The following PTPRG variants were observed in gnomAD, a reference collection of about 807,000 sequenced individuals.
PTPRG encodes the protein receptor-type tyrosine-protein phosphatase gamma.
PTPRG carries 102 observed loss-of-function variants against 165.3 expected under a neutral mutation model. That is an observed-to-expected ratio of 0.62 (90% CI 0.53 to 0.73). The LOEUF (loss-of-function observed/expected upper bound fraction) is 0.73, where lower values mean the gene tolerates loss of function less well. Among genes scored for constraint, PTPRG ranks in the 30% least tolerant of loss-of-function variants. PTPRG has a pLI of 0.00. For synonymous variants in PTPRG, 675 were observed against 669.5 expected, an observed-to-expected ratio of 1.01 and a Z score of -0.13; for missense variants, 1,866 against 1,861.4, an observed-to-expected ratio of 1.00 and a Z score of -0.05.
intron 1 of PTPRG, among the ~76,000 whole-genome samples, chr3:61,734,749 T>A (rs1452350026): frequency 6.6e-6 from 1 of 152,232 alleles, no homozygotes; most frequent in Non-Finnish European, 1.5e-5. Context: ...TTCTCCTTCC[T>A]ATCCCAAGTT....
intron 2 of PTPRG, among the ~76,000 whole-genome samples, chr3:61,788,893 C>G (rs1024328858): frequency 6.6e-6 from 1 of 152,136 alleles, no homozygotes; most frequent in African/African-American, 2.4e-5. Context: ...TAGATGAAGG[C>G]TCCTCTTGCC....
intron 4 of PTPRG, among the ~76,000 whole-genome samples, chr3:62,006,221 A>G (rs991888100): frequency 1.3e-5 from 2 of 152,188 alleles, no homozygotes; most frequent in African/African-American, 4.8e-5. Flanking sequence ...CATCTGATTC[A>G]TAGCTTGATT....
intron 2 of PTPRG, among the ~76,000 whole-genome samples, chr3:61,926,690 A>G (rs1430908478): frequency 6.8e-6 from 1 of 147,024 alleles, no homozygotes; most frequent in African/African-American, 2.5e-5. Flanking sequence ...TTAATATGGT[A>G]GCCCAGCCTT....
Position 62,210,461 on chromosome 3 carries a change from G to A in PTPRG, c.2155+6511G>A, listed in dbSNP as rs1427706773. Among the ~76,000 whole-genome samples, 4 of 152,324 alleles carry A rather than the reference G, an allele frequency of 2.6e-5. No homozygotes were observed. Among genetic ancestry groups the A allele is most frequent in the Non-Finnish European group, 4.4e-5 (3 of 68,032 alleles). On this transcript the variant is annotated intron_variant, in intron 12 of 29. Transcript: ENST00000474889. The surrounding 1 kb of genome is among the most constrained non-coding windows in gnomAD (Gnocchi z 4.1). ...ATGTGGAAAGAAGGGAACCCTTTGTGCACTGCTAGTGGGAATGTAAAATGT... is the reference window on the plus strand; with the variant it reads ...ATGTGGAAAGAAGGGAACCCTTTGTACACTGCTAGTGGGAATGTAAAATGT...
chr3:61,902,009 G>T (rs915284158), intron 2 of PTPRG, among the ~76,000 whole-genome samples: 1 of 152,190 alleles, frequency 6.6e-6, no homozygotes. Context: ...TGGTAATAAA[G>T]AGCATATTGG....
intron 8 of PTPRG, among the ~76,000 whole-genome samples, chr3:62,183,062 A>G (rs1343498334): frequency 6.6e-6 from 1 of 152,250 alleles, no homozygotes; most frequent in Non-Finnish European, 1.5e-5. Flanking sequence ...CCAAGGCCAC[A>G]CAACTGGTTT....
At chr3:62,159,715 A>G (rs1028496907) in intron 7 of PTPRG, among the ~76,000 whole-genome samples, 1 of 152,236 alleles carries the variant, frequency 6.6e-6, no homozygotes, top group African/African-American at 2.4e-5. Flanking sequence ...GGAAATAGAA[A>G]AGAAATCAGT....
At position 62,273,933 on chromosome 3, in the gene PTPRG, G is replaced by T; in HGVS notation, c.3465+89G>T. The T allele has an allele frequency of 7.8e-7, 1 of 1,278,584 alleles. No individual in the cohort carries two copies. 79.2% of individuals were successfully genotyped at this position (1,278,584 alleles called of 1,614,324 possible). ...GGGGTTATGTCTTCTTTGCATTAAT[G>T]TATACACCGAAATGGATTACTATTT... On this transcript the variant is annotated intron_variant, in intron 23 of 29. Transcript: ENST00000474889. This position sits in a 1 kb window ranked among gnomAD's most constrained non-coding sequence, Gnocchi z 4.1.
intron 2 of PTPRG, among the ~76,000 whole-genome samples, chr3:61,804,460 C>T (rs2035351001): frequency 1.3e-5 from 2 of 152,076 alleles, no homozygotes; most frequent in Admixed American, 1.3e-4. Flanking sequence ...CTTTTATATC[C>T]CCAAATGGAA....
At chr3:61,871,233 A>AT (rs1183978988) in intron 2 of PTPRG, among the ~76,000 whole-genome samples, 1 of 142,028 alleles carries the variant, frequency 7.0e-6, no homozygotes, top group Non-Finnish European at 1.5e-5. Context: ...ATGTTATGTT[A>AT]ATGTTATATT....
chr3:61,997,225 T>C (rs1277524703), intron 3 of PTPRG, among the ~76,000 whole-genome samples: 2 of 152,186 alleles, frequency 1.3e-5, no homozygotes, highest in African/African-American at 4.8e-5. Context: ...TCCTCACTTA[T>C]TTCTACTGAC....
chr3:62,227,500 G>A (rs929134670), intron 13 of PTPRG, among the ~76,000 whole-genome samples: 3 of 152,182 alleles, frequency 2.0e-5, no homozygotes, highest in Non-Finnish European at 4.4e-5. Context: ...AAGGAATCAG[G>A]GACTGCATCA....
At position 61,893,536 on chromosome 3, in the gene PTPRG, G is replaced by A. The variant is rs148683458; in HGVS notation, c.191-96089G>A. ...TGGTAGTCTTAACCGCTATGGCGCA[G>A]CTGCCTCTGCAGTTTGGATGGCTCA... On this transcript the variant is annotated intron_variant, in intron 2 of 29. Transcript: ENST00000474889. 4.8e-4 allele frequency among the ~76,000 whole-genome samples: 73 copies of A among 152,332 alleles called. 1 individual carries two copies. In the East Asian group the frequency reaches 6.8e-3, roughly 14 times the overall value.
intron 1 of PTPRG, among the ~76,000 whole-genome samples, chr3:61,677,912 A>G (rs1430349701): frequency 6.6e-6 from 1 of 152,140 alleles, no homozygotes; most frequent in Non-Finnish European, 1.5e-5. Context: ...TTCAAAAGGT[A>G]GCTTGTGTAC....
intron 1 of PTPRG, among the ~76,000 whole-genome samples, chr3:61,686,055 G>A (rs1384081266): frequency 1.5e-4 from 23 of 152,172 alleles, no homozygotes; most frequent in Non-Finnish European, 5.9e-5. Flanking sequence ...AGGAGCACTT[G>A]GTGCTCGTTA....
rs1385403191 is a variant in PTPRG at position 62,213,074 on chromosome 3, G to A, written c.2156-5777G>A. Among the ~76,000 whole-genome samples the A allele has an allele frequency of 6.6e-6, 1 of 152,084 alleles. No homozygotes were observed. Among genetic ancestry groups the A allele is most frequent in the East Asian group, 1.9e-4 (1 of 5,174 alleles). ...GAGGGAAGCAAACCCCCAGTAACTG[G>A]GCAGCTCAGTTCTGCTGGACCCTTC... On this transcript the variant is annotated intron_variant, in intron 12 of 29. Coordinates refer to ENST00000474889, the MANE Select transcript of PTPRG (RefSeq NM_002841.4). This position sits in a 1 kb window ranked among gnomAD's most constrained non-coding sequence, Gnocchi z 4.4.
intron 2 of PTPRG, among the ~76,000 whole-genome samples, chr3:61,809,682 A>C (rs936270366): frequency 1.3e-5 from 2 of 152,200 alleles, no homozygotes; most frequent in African/African-American, 4.8e-5. Context: ...TGAAAAGAAA[A>C]TAATATAGTT....
intron 14 of PTPRG, among the ~76,000 whole-genome samples, chr3:62,236,984 T>C (rs547877655): frequency 1.3e-5 from 2 of 152,286 alleles, no homozygotes; most frequent in African/African-American, 4.8e-5. Context: ...TTTGTTTGTT[T>C]GTTTGTTTGT....
chr3:61,581,151 C>T (rs1373293089), intron 1 of PTPRG, among the ~76,000 whole-genome samples: 1 of 152,208 alleles, frequency 6.6e-6, no homozygotes, highest in East Asian at 1.9e-4. Flanking sequence ...GAGGTGGATA[C>T]TCCTTGAATA....
Sources: allele counts gnomAD v4.1 joint callset (sites outside exome capture counted in the v4.1 genomes callset), GRCh38; gene constraint gnomAD v4.1.1; non-coding constraint Gnocchi (gnomAD v3.1); transcripts MANE v1.5; gene names NCBI Gene and HGNC (gene_info 2026-07-23, HGNC 2026-07-21).